PDIA6: variants seen among roughly 807,000 people sequenced by gnomAD.
PDIA6 encodes the protein protein disulfide-isomerase A6.
Under a neutral mutation model 58.4 loss-of-function variants are expected in PDIA6, and 29 were observed. The ratio of observed to expected loss-of-function variants is 0.50; its 90% confidence interval spans 0.37 to 0.68. The LOEUF is 0.68. Among genes scored for constraint, PDIA6 ranks in the 30% least tolerant of loss-of-function variants. PDIA6 has a pLI of 0.00. For synonymous variants in PDIA6, 192 were observed against 202.6 expected (o/e 0.95, Z 0.44); for missense variants, 480 against 551.0 (o/e 0.87, Z 1.29).
chr2:10,817,492 C>T (rs997138860), upstream of PDIA6, among the ~76,000 whole-genome samples: 2 of 152,214 alleles, frequency 1.3e-5, no homozygotes, highest in Non-Finnish European at 2.9e-5. Context: ...CAATGAAAAT[C>T]AAAGTTGCAG....
At chr2:10,812,415 C>A (rs939014389) in intron 1 of PDIA6, among the ~76,000 whole-genome samples, 9 of 151,826 alleles carry the variant, frequency 5.9e-5, no homozygotes, top group African/African-American at 2.2e-4. Flanking sequence ...CGGCCCTGGA[C>A]CCCGCGCCCG....
In PDIA6 at chr2:10,784,957, G is replaced by C; in HGVS notation, c.1231C>G (p.Pro411Ala). The C allele has an allele frequency of 6.3e-7, 1 of 1,589,774 alleles. No homozygotes were observed. The highest frequency in any genetic ancestry group is 8.6e-7 in the Non-Finnish European group (1 of 1,166,722). Residue 411 changes from proline to alanine, a missense_variant, in exon 12 of 13, where the codon CCT becomes GCT. Pro to Ala is a conservative substitution (Grantham distance 27). Coordinates refer to ENST00000272227, the MANE Select transcript of PDIA6 (RefSeq NM_005742.4). Reference sequence around the variant, plus strand: ...ACCTCGCCATCCCTGCCGTCCCAAGGCTCTCTCTCAACGATGGTAGGGAAA... The same window carrying C: ...ACCTCGCCATCCCTGCCGTCCCAAGCCTCTCTCTCAACGATGGTAGGGAAA... ...GAFPTIVERE[P>A]WDGRDGELPV...
rs753288208 is a variant in PDIA6, at chr2:10,797,747, A to G, written c.172T>C (p.Cys58Arg). 1.2e-6 allele frequency: 2 copies of G among 1,612,458 alleles called. No individual in the cohort carries two copies. Among genetic ancestry groups the G allele is most frequent in the East Asian group, 2.2e-5 (1 of 44,864 alleles). Residue 58 changes from cysteine (C) to arginine (R), a missense_variant, in exon 3 of 13, where the codon TGT becomes CGT. Cys to Arg is a radical substitution (Grantham distance 180). Transcript: ENST00000272227. The stretch of plus-strand genomic sequence containing the variant: ...TTCCATTCTGGTGTTAATCTTTGAC[A>G]GTGACCACACCTTTTGGGGGAAGAC... ...VEFYAPWCGHCQRLTPEWKKA... is the reference protein window; with the variant it reads ...VEFYAPWCGHRQRLTPEWKKA...
upstream of PDIA6, among the ~76,000 whole-genome samples, chr2:10,813,138 C>T (rs906341247): frequency 6.6e-6 from 1 of 152,198 alleles, no homozygotes; most frequent in African/African-American, 2.4e-5. Flanking sequence ...TGTGCGCCCC[C>T]ACCCTCTTTA....
rs774262811 is a variant in PDIA6 at position 10,793,160 on chromosome 2, GCACT to G, written c.385_388del (p.Ser129LeufsTer6). 1 of 1,613,998 alleles carries G rather than the reference GCACT, an allele frequency of 6.2e-7. No individual in the cohort carries two copies. The highest frequency in any genetic ancestry group is 1.1e-5 in the South Asian group (1 of 91,090). The stretch of plus-strand genomic sequence containing the variant: ...GCGATCCTTCACGAGCTGGCGCAGA[GCACT>G]CAGCGCAGCATCTACAATGGCTTCA... On this transcript the variant is annotated frameshift_variant, in exon 5 of 13. Coordinates refer to ENST00000272227, the MANE Select transcript of PDIA6 (RefSeq NM_005742.4). LOFTEE classifies it high-confidence loss of function.
At chr2:10,788,582 AC>A (rs1286240934) in intron 10 of PDIA6, 114 bp downstream of exon 10, 4 of 749,742 alleles carry the variant, frequency 5.3e-6, no homozygotes, top group South Asian at 1.6e-5. Flanking sequence ...AAAAAAAAAA[AC>A]ATATAGCAGA....
At chr2:10,799,636 C>T (rs1295802593) in intron 2 of PDIA6, among the ~76,000 whole-genome samples, 2 of 152,208 alleles carry the variant, frequency 1.3e-5, no homozygotes, top group African/African-American at 2.4e-5. Context: ...TACATATTTA[C>T]ATACAGTATG....
At chr2:10,818,861 T>A (rs537138817) in intron 2 of PDIA6, among the ~76,000 whole-genome samples, 1 of 152,238 alleles carries the variant, frequency 6.6e-6, no homozygotes, top group African/African-American at 2.4e-5. Flanking sequence ...TGGCATTAAA[T>A]GCGCTCACAT....
Position 10,789,696 on chromosome 2 carries a change from C to A in PDIA6, c.840+53G>T. 3 of 1,547,476 alleles carry A rather than the reference C, an allele frequency of 1.9e-6. No individual in the cohort carries two copies. The Admixed American group carries it at 5.1e-5, about 27-fold the overall frequency. ...AGTGTGTCACACTGCTTTAACATTC[C>A]TCACCATCAGCTAAAAAAGCTTTCT... On this transcript the variant is annotated intron_variant, in intron 8 of 12. Transcript: ENST00000272227.
chr2:10,794,222 G>C (rs1413440120), intron 4 of PDIA6, among the ~76,000 whole-genome samples: 1 of 151,966 alleles, frequency 6.6e-6, no homozygotes, highest in Admixed American at 6.6e-5. Context: ...GAGGCACGTG[G>C]AACACCTGAG....
In PDIA6 at chr2:10,794,789, T is replaced by C. The variant is rs550108401; in HGVS notation, c.347-1587A>G. Among the ~76,000 whole-genome samples, 156 of 151,902 alleles carry C rather than the reference T, an allele frequency of 1.0e-3. 1 individual carries two copies. Among genetic ancestry groups the C allele is most frequent in the African/African-American group, 3.5e-3 (143 of 41,428 alleles). On this transcript the variant is annotated intron_variant, in intron 4 of 12. Coordinates refer to ENST00000272227, the MANE Select transcript of PDIA6 (RefSeq NM_005742.4). ...TAAAAATACAACAATTAGCCGGGTG[T>C]AGTGGTGCATGTCTGTAATCCCAGC...
intron 2 of PDIA6, among the ~76,000 whole-genome samples, chr2:10,799,919 A>G (rs1666432603): frequency 6.6e-6 from 1 of 152,256 alleles, no homozygotes; most frequent in East Asian, 1.9e-4. Flanking sequence ...AAAGAAAAAA[A>G]AAAAAAAAGA....
chr2:10,792,272 C>T (rs1223712934), intron 5 of PDIA6, among the ~76,000 whole-genome samples: 1 of 152,216 alleles, frequency 6.6e-6, no homozygotes, highest in African/African-American at 2.4e-5. Context: ...GCTGCTTCAT[C>T]CTAGGATGTT....
At chr2:10,790,961 T>C in intron 6 of PDIA6, 128 bp from the exon 7 acceptor site, 1 of 652,530 alleles carries the variant, frequency 1.5e-6, no homozygotes, top group Non-Finnish European at 2.7e-6. Context: ...GTGATCTCAT[T>C]TCAGCCTCCA....
intron 1 of PDIA6, among the ~76,000 whole-genome samples, chr2:10,805,083 T>C (rs200080642): frequency 0.48 from 72,839 of 150,318 alleles, 19,093 homozygotes; most frequent in Non-Finnish European, 0.58. Flanking sequence ...CTAAAGAGCT[T>C]CTGCACAGCA....
rs755017976 is a variant in PDIA6, at chr2:10,802,551, G to A, written c.109C>T (p.Arg37Ter). 10 of 1,481,792 alleles carry A rather than the reference G, an allele frequency of 6.7e-6. No homozygotes were observed. The highest frequency in any genetic ancestry group is 2.6e-5 in the East Asian group (1 of 38,910). The allele number at this position is 1,481,792 out of a possible 1,614,324, so 91.8% of individuals were successfully genotyped here. The change falls in exon 2 of 13, where the codon CGA becomes TGA. Residue 37 changes from arginine (R) to a stop codon, truncating the protein, a stop_gained. Coordinates refer to ENST00000272227, the MANE Select transcript of PDIA6 (RefSeq NM_005742.4). LOFTEE classifies it high-confidence loss of function. ...AAACTATCACTCTGAATAACTTCTC[G>A]GTTGAAATTCGATGGAGTTAATTCG... is the stretch of plus-strand genomic sequence containing the variant. ...VIELTPSNFN[R>*]EVIQSDSLWL...
chr2:10,832,747 A>G (rs547469675), upstream of PDIA6, among the ~76,000 whole-genome samples: 1 of 152,266 alleles, frequency 6.6e-6, no homozygotes, highest in Non-Finnish European at 1.5e-5. Context: ...GGTCCAGGGC[A>G]GAAGAGGGCG....
Position 10,797,762 on chromosome 2 carries a change from T to C in PDIA6, c.162-5A>G. On this transcript the variant is annotated splice_polypyrimidine_tract_variant and splice_region_variant and intron_variant, in intron 2 of 12. Coordinates refer to ENST00000272227, the MANE Select transcript of PDIA6 (RefSeq NM_005742.4). ...AATCTTTGACAGTGACCACACCTTT[T>C]GGGGGAAGACAACACAAAGCAACCA... 1 of 1,608,548 alleles carries C rather than the reference T, an allele frequency of 6.2e-7. No homozygotes were observed. Among genetic ancestry groups the C allele is most frequent in the Non-Finnish European group, 8.5e-7 (1 of 1,177,408 alleles).
intron 1 of PDIA6, among the ~76,000 whole-genome samples, chr2:10,811,742 C>T (rs1375688923): frequency 1.3e-5 from 2 of 152,182 alleles, no homozygotes; most frequent in Non-Finnish European, 2.9e-5. Context: ...CCCTCGGCCT[C>T]GCCCACTAAG....
Sources: gnomAD v4.1 joint callset for allele counts (sites outside exome capture counted in the v4.1 genomes callset) on GRCh38, gnomAD v4.1.1 for gene constraint, MANE v1.5 for transcripts, NCBI Gene and HGNC (gene_info 2026-07-23, HGNC 2026-07-21) for gene names.